NELL1: variants seen among roughly 807,000 people sequenced by gnomAD.
NELL1 encodes the protein protein kinase C-binding protein NELL1.
NELL1 carries 76 observed loss-of-function variants against 107.4 expected under a neutral mutation model. That is an observed-to-expected ratio of 0.71 (90% CI 0.59 to 0.86). The LOEUF is 0.86. Ranked by LOEUF, NELL1 falls within the 40% of genes least tolerant of loss-of-function variation. NELL1 has a pLI of 0.00. For synonymous variants in NELL1, 353 were observed against 341.2 expected (o/e 1.03, Z -0.38); for missense variants, 1,024 against 1,005.5 (o/e 1.02, Z -0.25).
intron 5 of NELL1, among the ~76,000 whole-genome samples, chr11:20,915,895 G>T (rs1850245251): frequency 6.6e-6 from 1 of 151,016 alleles, no homozygotes; most frequent in Non-Finnish European, 1.5e-5. Flanking sequence ...CAGACCTTCT[G>T]ATTCTTATTC....
chr11:21,451,044 G>T (rs1281890843), intron 15 of NELL1, among the ~76,000 whole-genome samples: 2 of 151,748 alleles, frequency 1.3e-5, no homozygotes, highest in African/African-American at 2.4e-5. Flanking sequence ...CAAAAAAGCC[G>T]GGTGTGATGG....
intron 14 of NELL1, among the ~76,000 whole-genome samples, chr11:21,235,391 A>G (rs997401222): frequency 2.0e-4 from 31 of 152,320 alleles, no homozygotes; most frequent in African/African-American, 5.5e-4. Flanking sequence ...ATAAAGTCAG[A>G]AAACAGGTAG....
chr11:21,122,235 A>G (rs1855384633), intron 13 of NELL1, among the ~76,000 whole-genome samples: 1 of 152,152 alleles, frequency 6.6e-6, no homozygotes, highest in African/African-American at 2.4e-5. Flanking sequence ...AGCCTTGTTA[A>G]TATTTCTGTA....
At chr11:20,681,251 A>T (rs186311466) in intron 2 of NELL1, among the ~76,000 whole-genome samples, 6 of 152,054 alleles carry the variant, frequency 3.9e-5, no homozygotes, top group African/African-American at 1.4e-4. Flanking sequence ...TTTCTCTCAC[A>T]TTTTGCCATA....
At chr11:20,762,536 C>T (rs551088517) in intron 2 of NELL1, among the ~76,000 whole-genome samples, 1 of 152,120 alleles carries the variant, frequency 6.6e-6, no homozygotes, top group South Asian at 2.1e-4. Context: ...TTTAAATCTC[C>T]CCGATAATTC....
At chr11:20,936,179 G>A (rs533280064) in intron 9 of NELL1, among the ~76,000 whole-genome samples, 25 of 152,276 alleles carry the variant, frequency 1.6e-4, no homozygotes, top group African/African-American at 5.8e-4. Context: ...CTTTGGAGCT[G>A]GAATGGCCCT....
chr11:20,724,473 TC>T (rs1855464341), intron 2 of NELL1, among the ~76,000 whole-genome samples: 1 of 152,172 alleles, frequency 6.6e-6, no homozygotes, highest in Admixed American at 6.5e-5. Flanking sequence ...GTACCCTAAA[TC>T]ATCTCACTCA....
chr11:21,454,353 A>G (rs1032184437), intron 15 of NELL1, among the ~76,000 whole-genome samples: 1 of 151,434 alleles, frequency 6.6e-6, no homozygotes, highest in African/African-American at 2.4e-5. Context: ...GTTGGTTCCA[A>G]GTCTTTGCTA....
At chr11:21,054,619 C>G (rs1269080389) in intron 12 of NELL1, among the ~76,000 whole-genome samples, 1 of 151,948 alleles carries the variant, frequency 6.6e-6, no homozygotes, top group East Asian at 1.9e-4. Context: ...TAGTTTTTGA[C>G]TTTGTTAATT....
At chr11:21,498,676 G>T (rs1045766301) in intron 15 of NELL1, among the ~76,000 whole-genome samples, 5 of 151,828 alleles carry the variant, frequency 3.3e-5, no homozygotes, top group Non-Finnish European at 7.4e-5. Flanking sequence ...ATATCAAGAG[G>T]TGAAATTATT....
intron 2 of NELL1, among the ~76,000 whole-genome samples, chr11:20,778,123 G>A (rs1457069589): frequency 6.6e-6 from 1 of 152,152 alleles, no homozygotes; most frequent in Admixed American, 6.5e-5. Context: ...CTCCTGCCTA[G>A]TAAGTGCTTA....
chr11:21,334,176 T>C (rs1453397023), intron 14 of NELL1, among the ~76,000 whole-genome samples: 1 of 151,924 alleles, frequency 6.6e-6, no homozygotes, highest in Non-Finnish European at 1.5e-5. Flanking sequence ...TAGACAAACA[T>C]TAGAGCATAA....
chr11:21,074,177 T>C (rs150682427), intron 12 of NELL1, among the ~76,000 whole-genome samples: 10 of 152,252 alleles, frequency 6.6e-5, no homozygotes, highest in Non-Finnish European at 1.5e-4. Flanking sequence ...CAGCATAAAC[T>C]GGGATTCTAT....
intron 15 of NELL1, among the ~76,000 whole-genome samples, chr11:21,397,431 C>T (rs930842232): frequency 6.6e-6 from 1 of 151,414 alleles, no homozygotes; most frequent in Non-Finnish European, 1.5e-5. Flanking sequence ...ATTAAAATTA[C>T]TCAGTCTTTA....
intron 13 of NELL1, among the ~76,000 whole-genome samples, chr11:21,118,967 G>T (rs1855299921): frequency 6.6e-6 from 1 of 151,968 alleles, no homozygotes; most frequent in African/African-American, 2.4e-5. Context: ...ATTTTACTAT[G>T]TATGAAATAT....
intron 12 of NELL1, among the ~76,000 whole-genome samples, chr11:21,074,349 A>G (rs1590610965): frequency 6.6e-6 from 1 of 152,200 alleles, no homozygotes; most frequent in Non-Finnish European, 1.5e-5. Flanking sequence ...GATAATCAGC[A>G]GAATCATCTA....
intron 10 of NELL1, among the ~76,000 whole-genome samples, chr11:20,944,752 T>C (rs955406500): frequency 3.3e-5 from 5 of 152,224 alleles, no homozygotes; most frequent in Admixed American, 2.0e-4. Flanking sequence ...GCAATGGTAA[T>C]CACAGTTCAT....
chr11:21,545,280 G>A (rs952071706), intron 16 of NELL1, among the ~76,000 whole-genome samples: 4 of 151,836 alleles, frequency 2.6e-5, no homozygotes, highest in African/African-American at 9.7e-5. Context: ...GTTATGTGAT[G>A]TCTCAGACGA....
chr11:20,965,004 G>C (rs769067467), intron 12 of NELL1, among the ~76,000 whole-genome samples: 1 of 152,028 alleles, frequency 6.6e-6, no homozygotes, highest in East Asian at 1.9e-4. Flanking sequence ...TACCTTGTGC[G>C]TAATAGCGTA....
Sources: gnomAD v4.1 joint callset for allele counts (sites outside exome capture counted in the v4.1 genomes callset) on GRCh38, gnomAD v4.1.1 for gene constraint, MANE v1.5 for transcripts, NCBI Gene and HGNC (gene_info 2026-07-23, HGNC 2026-07-21) for gene names.